The following GVQW3 variants were observed in gnomAD, a reference collection of about 807,000 sequenced individuals.
GVQW3 encodes the protein protein GVQW3.
Under a neutral mutation model 12.5 loss-of-function variants are expected in GVQW3, and 7 were observed. That is an observed-to-expected ratio of 0.56 (90% CI 0.32 to 1.05). The LOEUF (loss-of-function observed/expected upper bound fraction) is 1.05, where lower values mean the gene tolerates loss of function less well. Ranked by LOEUF, GVQW3 falls within the 50% of genes least tolerant of loss-of-function variation. GVQW3 has a pLI of 0.04. For synonymous variants in GVQW3, 71 were observed against 67.2 expected (o/e 1.06, Z -0.28); for missense variants, 188 against 190.8 (o/e 0.99, Z 0.09).
intron 1 of GVQW3, chr11:76,392,213 G>A (rs1468008900): frequency 6.6e-6 from 1 of 152,238 alleles, no homozygotes; most frequent in Non-Finnish European, 1.5e-5. Flanking sequence ...AACTAAGGGT[G>A]ATTGTGAAAA....
At chr11:76,408,441 GCT>G (rs1947061822), downstream of GVQW3, 1 of 152,192 alleles carries the variant, frequency 6.6e-6, no homozygotes, top group Non-Finnish European at 1.5e-5. Context: ...CTCATATAAA[GCT>G]CTCTTTCTTG....
At chr11:76,403,107 C>T (rs1947007304) in intron 1 of GVQW3, among the ~76,000 whole-genome samples, 1 of 151,936 alleles carries the variant, frequency 6.6e-6, no homozygotes, top group Admixed American at 6.6e-5. Context: ...GCCACCACAC[C>T]CGGCTAATTT....
intron 1 of GVQW3, among the ~76,000 whole-genome samples, chr11:76,394,318 CT>C (rs1283933526): frequency 6.6e-6 from 1 of 152,104 alleles, no homozygotes; most frequent in Non-Finnish European, 1.5e-5. Context: ...TAACCATCCC[CT>C]TTTCCCCCCA....
intron 1 of GVQW3, among the ~76,000 whole-genome samples, chr11:76,384,670 A>C (rs1056410625): frequency 6.6e-6 from 1 of 152,192 alleles, no homozygotes; most frequent in African/African-American, 2.4e-5. Context: ...GTTGTCCCAC[A>C]AAGAGAAGAT....
chr11:76,401,773 C>CA (rs5792720), intron 1 of GVQW3, among the ~76,000 whole-genome samples: 30,595 of 88,618 alleles, frequency 0.35, 4,279 homozygotes, highest in Admixed American at 0.44. Context: ...AACTCTGTCT[C>CA]AAAAAAAAAA....
intron 1 of GVQW3, among the ~76,000 whole-genome samples, chr11:76,393,320 G>A (rs1158751085): frequency 6.6e-6 from 1 of 152,018 alleles, no homozygotes; most frequent in Non-Finnish European, 1.5e-5. Flanking sequence ...CCACCCAGTG[G>A]CCCAATCTTG....
intron 1 of GVQW3, chr11:76,383,742 G>C (rs1456615702): frequency 1.3e-5 from 2 of 151,700 alleles, no homozygotes; most frequent in African/African-American, 4.9e-5. Context: ...TTGCGCCACT[G>C]TACTCCAACC....
At chr11:76,401,802 A>G (rs1456903995) in intron 1 of GVQW3, among the ~76,000 whole-genome samples, 2 of 151,838 alleles carry the variant, frequency 1.3e-5, no homozygotes, top group Non-Finnish European at 2.9e-5. Flanking sequence ...GAAAGAAAGA[A>G]AAGAAAAGAA....
exon 2 of GVQW3, chr11:76,414,207 C>T (rs1014140044): frequency 2.6e-5 from 4 of 152,122 alleles, no homozygotes; most frequent in South Asian, 2.1e-4. Context: ...TCCTATTAGT[C>T]TTCACCACCC....
At position 76,402,633 on chromosome 11, in the gene GVQW3, C is replaced by G. The variant is rs534604951; in HGVS notation, c.466-1027C>G. On this transcript the variant is annotated intron_variant, in intron 1 of 1. Coordinates refer to ENST00000529331, the MANE Select transcript of GVQW3 (RefSeq NM_001347885.2). ...GCAAGGAGTGCGATGTGAGACCCAT[C>G]TTCATTAGTGTAGCTGATCATGTTT... Among the ~76,000 whole-genome samples, 3 of 152,264 alleles carry G rather than the reference C, an allele frequency of 2.0e-5. No homozygotes were observed. The East Asian group carries it at 5.8e-4, about 29-fold the overall frequency.
Position 76,381,818 on chromosome 11 carries a change from T to G in GVQW3, c.-11T>G, listed in dbSNP as rs1463919636. 4.0e-6 allele frequency: 6 copies of G among 1,517,224 alleles called. No homozygotes were observed. The highest frequency in any genetic ancestry group is 5.3e-6 in the Non-Finnish European group (6 of 1,137,934). 94.0% of individuals were successfully genotyped at this position (1,517,224 alleles called of 1,614,324 possible). A position where few individuals can be genotyped will look rare whatever the true frequency, so the allele number is the denominator to read the frequency against. ...GGCCTGTTAAACGTTCCTGTGTTGT[T>G]CAGTGCCAGAATGAGTGACCGCTAT... On this transcript the variant is annotated 5_prime_UTR_variant, in exon 1 of 2. Transcript: ENST00000529331.
rs554642719 is a variant in GVQW3, at chr11:76,381,737, T to G, written c.-92T>G. On this transcript the variant is annotated 5_prime_UTR_variant, in exon 1 of 2. An upstream start codon of the reference 5' UTR is lost. Transcript: ENST00000529331. ...TTCTAGAAGAGCAAGAAGAGCGATA[T>G]GATTACACCTGCAGCCCTATAAAGA... 1 of 1,142,670 alleles carries G rather than the reference T, an allele frequency of 8.8e-7. No individual in the cohort carries two copies. The highest frequency in any genetic ancestry group is 1.2e-6 in the Non-Finnish European group (1 of 840,248). 70.8% of individuals were successfully genotyped at this position (1,142,670 alleles called of 1,614,324 possible). A position where few individuals can be genotyped will look rare whatever the true frequency, so the allele number is the denominator to read the frequency against.
Position 76,390,039 on chromosome 11 carries a change from T to G in GVQW3, c.465+7746T>G, listed in dbSNP as rs184988683. 7.2e-5 allele frequency: 11 copies of G among 152,350 alleles called. 1 individual carries two copies. The East Asian group carries it at 1.9e-3, about 27-fold the overall frequency. The allele number at this position is 152,350 out of a possible 1,614,324, so 9.4% of individuals were successfully genotyped here. A position where few individuals can be genotyped will look rare whatever the true frequency, so the allele number is the denominator to read the frequency against. ...TGTGGGGTTTTAAAATGAAAAATCA[T>G]GTAGCTAATGCCTATCCATAGATGA... On this transcript the variant is annotated intron_variant, in intron 1 of 1. Transcript: ENST00000529331.
chr11:76,412,568 T>C (rs1260245317), downstream of GVQW3: 1 of 152,246 alleles, frequency 6.6e-6, no homozygotes, highest in Non-Finnish European at 1.5e-5. Context: ...GGCATAAATG[T>C]TGCTGTTTCA....
intron 1 of GVQW3, among the ~76,000 whole-genome samples, chr11:76,385,056 C>T (rs533928306): frequency 6.6e-6 from 1 of 152,290 alleles, no homozygotes; most frequent in South Asian, 2.1e-4. Context: ...ATGAACAGGG[C>T]TGGTATGTCC....
chr11:76,383,783 A>G (rs1565240647), intron 1 of GVQW3: 1 of 152,018 alleles, frequency 6.6e-6, no homozygotes, highest in South Asian at 2.1e-4. Context: ...GTCCCAAAAA[A>G]AAAAAAAAGG....
At chr11:76,391,719 T>C (rs1820739541) in intron 1 of GVQW3, among the ~76,000 whole-genome samples, 1 of 152,120 alleles carries the variant, frequency 6.6e-6, no homozygotes, top group South Asian at 2.1e-4. Flanking sequence ...TTTGGGAGGC[T>C]GAGGTGGGCA....
At chr11:76,390,660 A>T (rs560885191) in intron 1 of GVQW3, among the ~76,000 whole-genome samples, 1 of 142,608 alleles carries the variant, frequency 7.0e-6, no homozygotes, top group Non-Finnish European at 1.5e-5. Context: ...CGTCTCTACT[A>T]AAAAAATACG....
chr11:76,392,290 G>A (rs1222131899), intron 1 of GVQW3: 1 of 152,288 alleles, frequency 6.6e-6, no homozygotes, highest in Non-Finnish European at 1.5e-5. Flanking sequence ...TTATGTAAGA[G>A]AGCCTGGAGC....
Sources: gnomAD v4.1 joint callset for allele counts (sites outside exome capture counted in the v4.1 genomes callset) on GRCh38, gnomAD v4.1.1 for gene constraint, MANE v1.5 for transcripts, NCBI Gene and HGNC (gene_info 2026-07-23, HGNC 2026-07-21) for gene names.